Variants in NCKAP1 observed in about 807,000 individuals in gnomAD.
The protein encoded by NCKAP1 is NCK associated protein 1.
A neutral mutation model predicts 151.2 loss-of-function variants in NCKAP1; 21 were observed. That is an observed-to-expected ratio of 0.14 (90% CI 0.10 to 0.20). The LOEUF (loss-of-function observed/expected upper bound fraction) is 0.20, where lower values mean the gene tolerates loss of function less well. Ranked by LOEUF, NCKAP1 falls within the 10% of genes least tolerant of loss-of-function variation. The probability of loss-of-function intolerance (pLI) is 1.00; values close to 1 mark genes in which losing one functional copy is unlikely to be tolerated. For synonymous variants in NCKAP1, 484 were observed against 451.8 expected, an observed-to-expected ratio of 1.07 and a Z score of -0.90; for missense variants, 933 against 1,352.1, an observed-to-expected ratio of 0.69 and a Z score of 4.86.
chr2:182,999,799 C>T (rs1340675793), intron 6 of NCKAP1, among the ~76,000 whole-genome samples: 1 of 152,194 alleles, frequency 6.6e-6, no homozygotes, highest in Non-Finnish European at 1.5e-5. Flanking sequence ...GGTATATATG[C>T]ACCACGGAAC....
chr2:182,981,125 A>C, intron 13 of NCKAP1, 119 bp downstream of exon 13: 3 of 1,298,172 alleles, frequency 2.3e-6, no homozygotes, highest in Non-Finnish European at 3.2e-6. Context: ...TCCAAAATAT[A>C]AACATGATTT....
chr2:182,977,544 A>T (rs915905315), intron 14 of NCKAP1, among the ~76,000 whole-genome samples: 6 of 152,116 alleles, frequency 3.9e-5, no homozygotes, highest in African/African-American at 7.2e-5. Flanking sequence ...AAGAAAGGAA[A>T]TTCTGACACA....
intron 15 of NCKAP1, among the ~76,000 whole-genome samples, chr2:182,971,403 A>G (rs1326396293): frequency 6.6e-6 from 1 of 150,778 alleles, no homozygotes; most frequent in Non-Finnish European, 1.5e-5. Flanking sequence ...CAAAAAAAAA[A>G]AAAAAAAAAA....
At chr2:183,010,697 A>T (rs1698575752) in intron 2 of NCKAP1, among the ~76,000 whole-genome samples, 1 of 152,214 alleles carries the variant, frequency 6.6e-6, no homozygotes, top group South Asian at 2.1e-4. Flanking sequence ...CTTTGAAATT[A>T]ATTTTATCAT....
intron 26 of NCKAP1, among the ~76,000 whole-genome samples, chr2:182,931,809 G>A (rs995426460): frequency 3.9e-5 from 6 of 152,186 alleles, no homozygotes; most frequent in Middle Eastern, 6.8e-3. Context: ...AATTTAAAAT[G>A]TCAAAGGCTT....
rs1435699235 is a variant in NCKAP1 at position 183,038,148 on chromosome 2, G to C, written c.-49C>G. The C allele has an allele frequency of 2.0e-5, 28 of 1,392,442 alleles. No individual in the cohort carries two copies. Among genetic ancestry groups the C allele is most frequent in the East Asian group, 5.7e-5 (2 of 35,150 alleles). 86.3% of individuals were successfully genotyped at this position (1,392,442 alleles called of 1,614,324 possible). A position where few individuals can be genotyped will look rare whatever the true frequency, so the allele number is the denominator to read the frequency against. ...CGCCGGCCGCCTCGCGCCCAGTCACGGGCCCGCGGCCTTCGCAGCAGCCTC... is the reference window on the plus strand; with the variant it reads ...CGCCGGCCGCCTCGCGCCCAGTCACCGGCCCGCGGCCTTCGCAGCAGCCTC... On this transcript the variant is annotated 5_prime_UTR_variant, in exon 1 of 31. Transcript: ENST00000361354.
chr2:182,964,998 TATAACA>T (rs1386505599), intron 16 of NCKAP1, among the ~76,000 whole-genome samples, 190 bp from the exon 17 acceptor site: 3 of 152,160 alleles, frequency 2.0e-5, no homozygotes, highest in Admixed American at 1.3e-4. Context: ...ATATTATTTA[TATAACA>T]ATAACAACAT....
intron 26 of NCKAP1, among the ~76,000 whole-genome samples, chr2:182,932,055 C>G (rs1696777091): frequency 1.3e-5 from 2 of 152,078 alleles, no homozygotes; most frequent in African/African-American, 4.8e-5. Context: ...AATTTGAAAA[C>G]AGTTTAGCAG....
intron 15 of NCKAP1, among the ~76,000 whole-genome samples, chr2:182,968,498 T>C (rs1309267775): frequency 6.6e-6 from 1 of 152,214 alleles, no homozygotes; most frequent in Non-Finnish European, 1.5e-5. Context: ...CTTAGGGTTA[T>C]ATTTGCAGCT....
At position 182,950,245 on chromosome 2, in the gene NCKAP1, G is replaced by A. The variant is rs368758969; in HGVS notation, c.2601+2160C>T. 1.2e-3 allele frequency among the ~76,000 whole-genome samples: 190 copies of A among 152,132 alleles called. 2 individuals carry two copies. The highest frequency in any genetic ancestry group is 4.4e-3 in the African/African-American group (184 of 41,502). Reference sequence around the variant, plus strand: ...AATGAATTCAGAGAGACTCAAAATAGGCTAATTTTTATTACCATACCATGA... The same window carrying A: ...AATGAATTCAGAGAGACTCAAAATAAGCTAATTTTTATTACCATACCATGA... On this transcript the variant is annotated intron_variant, in intron 23 of 30. Coordinates refer to ENST00000361354, the MANE Select transcript of NCKAP1 (RefSeq NM_013436.5).
chr2:182,983,487 G>A, intron 10 of NCKAP1, 105 bp from the exon 11 acceptor site: 1 of 701,666 alleles, frequency 1.4e-6, no homozygotes, highest in Middle Eastern at 2.6e-4. Flanking sequence ...CTTTTTTTAG[G>A]AAGCCAAAGT....
intron 24 of NCKAP1, among the ~76,000 whole-genome samples, chr2:182,939,755 C>A (rs949628483): frequency 2.0e-5 from 3 of 151,978 alleles, no homozygotes; most frequent in Non-Finnish European, 4.4e-5. Context: ...TTTTGGAAAA[C>A]AGTTCAATTG....
At position 182,910,586 on chromosome 2, in the gene NCKAP1, T is replaced by C. The variant is rs1696371713; in HGVS notation, c.*15116A>G. The C allele has an allele frequency of 6.6e-6, 1 of 152,244 alleles. No individual in the cohort carries two copies. Among genetic ancestry groups the C allele is most frequent in the Non-Finnish European group, 1.5e-5 (1 of 68,076 alleles). The allele number at this position is 152,244 out of a possible 1,614,324, so 9.4% of individuals were successfully genotyped here. A position where few individuals can be genotyped will look rare whatever the true frequency, so the allele number is the denominator to read the frequency against. ...ATTCAGGATTCAGAACCTAGATAGA[T>C]GATGCTGTGAGGGCTGCGGCTGTGC... On this transcript the variant is annotated 3_prime_UTR_variant, in exon 31 of 31. Coordinates refer to ENST00000361354, the MANE Select transcript of NCKAP1 (RefSeq NM_013436.5).
chr2:182,950,592 T>C (rs1476231211), intron 23 of NCKAP1, among the ~76,000 whole-genome samples: 1 of 152,174 alleles, frequency 6.6e-6, no homozygotes, highest in Non-Finnish European at 1.5e-5. Context: ...GTTTATAAAC[T>C]TTATATTTTA....
chr2:182,967,139 T>C (rs1697588538), intron 16 of NCKAP1, 77 bp downstream of exon 16: 20 of 1,377,542 alleles, frequency 1.5e-5, no homozygotes, highest in Non-Finnish European at 2.0e-5. Context: ...AGGACTATGC[T>C]AACACAAAAA....
At chr2:183,017,499 T>C (rs1261829145) in intron 2 of NCKAP1, among the ~76,000 whole-genome samples, 1 of 152,130 alleles carries the variant, frequency 6.6e-6, no homozygotes, top group South Asian at 2.1e-4. Flanking sequence ...GAGAATCTAA[T>C]GCCACTGCTA....
intron 25 of NCKAP1, 163 bp downstream of exon 25, chr2:182,935,130 G>A (rs778491564): frequency 1.6e-6 from 1 of 611,194 alleles, no homozygotes; most frequent in Non-Finnish European, 2.7e-6. Flanking sequence ...AACAAAAAAT[G>A]AGCTTAAATA....
chr2:182,942,120 G>C lies in NCKAP1; in HGVS notation c.2645C>G (p.Thr882Ser). ...CATCTGGTCTGGTTTGTCAAAGCTG[G>C]TCCTCATTTGTGTTAACACATCAAC... ...ENVDVLTQMR[T>S]SFDKPDQMAA... Residue 882 changes from threonine (T) to serine (S), a missense_variant, in exon 24 of 31, where the codon ACC becomes AGC. By Grantham distance (58) the Thr-to-Ser change is moderately conservative. Transcript: ENST00000361354. 2 of 1,613,172 alleles carry C rather than the reference G, an allele frequency of 1.2e-6. No individual in the cohort carries two copies. Among genetic ancestry groups the C allele is most frequent in the South Asian group, 2.2e-5 (2 of 90,992 alleles).
rs1329954633 is a variant in NCKAP1, at chr2:182,954,807, T to TA, written c.2154-1477dup. ...TCTCAAAATAAATAAATAAATAAAT[T>TA]AAATAAAATAAAAAATCTTTCCAAG... On this transcript the variant is annotated intron_variant, in intron 20 of 30. Transcript: ENST00000361354. Among the ~76,000 whole-genome samples, 490 of 152,110 alleles carry TA rather than the reference T, an allele frequency of 3.2e-3. 2 individuals are homozygous for TA. Among genetic ancestry groups the TA allele is most frequent in the Middle Eastern group, 0.014 (4 of 294 alleles).
Sources: allele counts gnomAD v4.1 joint callset (sites outside exome capture counted in the v4.1 genomes callset), GRCh38; gene constraint gnomAD v4.1.1; transcripts MANE v1.5; gene names NCBI Gene and HGNC (gene_info 2026-07-23, HGNC 2026-07-21).